The following ABCA13 variants were observed in gnomAD, a reference collection of about 807,000 sequenced individuals.
ABCA13 encodes ATP binding cassette subfamily A member 13.
ABCA13 carries 476 observed loss-of-function variants against 478.7 expected under a neutral mutation model. That is an observed-to-expected ratio of 0.99 (90% CI 0.92 to 1.07). ABCA13 has a LOEUF of 1.07. Among genes scored for constraint, ABCA13 ranks in the 50% least tolerant of loss-of-function variants. ABCA13 has a pLI of 0.00. For synonymous variants in ABCA13, 2,252 were observed against 2,158.9 expected (o/e 1.04, Z -1.20); for missense variants, 6,060 against 5,910.6 (o/e 1.03, Z -0.83).
At chr7:48,185,518 A>G (rs1263826117) in intron 1 of ABCA13, among the ~76,000 whole-genome samples, 2 of 152,196 alleles carry the variant, frequency 1.3e-5, no homozygotes, top group South Asian at 2.1e-4. Context: ...CTACAGATCA[A>G]TCTGGGTAGG....
rs143294699 is a variant in ABCA13 at position 48,298,366 on chromosome 7, A to G, written c.9200A>G (p.Asp3067Gly). The G allele has an allele frequency of 4.1e-4, 655 of 1,604,830 alleles. 10 individuals carry two copies. In the East Asian group the frequency reaches 0.014, roughly 35 times the overall value. ...TFLSNFTVTE[D>G]VKIKDLMKNI... ...ATTTCTTATTTTCCTTACTTTGCAG[A>G]TGTAAAAATAAAAGATTTGATGAAG... The change falls in exon 23 of 62, where the codon GAT (aspartate) becomes GGT (glycine). Residue 3067 changes from aspartate (D) to glycine (G), a missense_variant and splice_region_variant. Asp to Gly is a moderately conservative substitution (Grantham distance 94). Around this residue, in one of 3 missense-constraint regions of ABCA13, gnomAD observed 4,423 missense variants for 4,309.1 expected, o/e 1.03. Transcript: ENST00000435803.
intron 20 of ABCA13, 118 bp downstream of exon 20, chr7:48,288,196 A>G: frequency 1.1e-6 from 1 of 934,688 alleles, no homozygotes; most frequent in South Asian, 1.5e-5. Flanking sequence ...GGTGTCATAC[A>G]CAGTCTTGTT....
chr7:48,637,192 C>T (rs1212949807), intron 59 of ABCA13, among the ~76,000 whole-genome samples: 1 of 151,614 alleles, frequency 6.6e-6, no homozygotes, highest in Non-Finnish European at 1.5e-5. Flanking sequence ...ACAAAGCTGC[C>T]ATCTTTGCAC....
chr7:48,240,486 A>G (rs1291019471), intron 9 of ABCA13, among the ~76,000 whole-genome samples: 2 of 152,250 alleles, frequency 1.3e-5, no homozygotes, highest in African/African-American at 4.8e-5. Flanking sequence ...GACACTTAGT[A>G]ACCATGTATT....
At chr7:48,437,119 T>G (rs1018506450) in intron 42 of ABCA13, among the ~76,000 whole-genome samples, 1 of 152,030 alleles carries the variant, frequency 6.6e-6, no homozygotes, top group Non-Finnish European at 1.5e-5. Context: ...AGTGAGGTAT[T>G]GAGGTTTCCT....
chr7:48,257,561 A>G (rs555579661), intron 15 of ABCA13, among the ~76,000 whole-genome samples: 1 of 152,222 alleles, frequency 6.6e-6, no homozygotes, highest in East Asian at 1.9e-4. Flanking sequence ...TGAGATGATC[A>G]TGTGGTTTTT....
At chr7:48,581,692 T>C (rs1788726154) in intron 56 of ABCA13, among the ~76,000 whole-genome samples, 1 of 152,266 alleles carries the variant, frequency 6.6e-6, no homozygotes, top group South Asian at 2.1e-4. Flanking sequence ...CTTACAACTT[T>C]GTTTTTCTGA....
At chr7:48,558,330 C>G (rs1010743068) in intron 55 of ABCA13, among the ~76,000 whole-genome samples, 1 of 151,310 alleles carries the variant, frequency 6.6e-6, no homozygotes, top group Non-Finnish European at 1.5e-5. Flanking sequence ...ACTGCCTCAC[C>G]CTGTCACCCA....
chr7:48,174,665 A>T (rs145634990), intron 1 of ABCA13, among the ~76,000 whole-genome samples: 29,779 of 152,102 alleles, frequency 0.2, 3,132 homozygotes, highest in Non-Finnish European at 0.23. Flanking sequence ...AAAACAAAAG[A>T]TAAACATTTT....
intron 7 of ABCA13, among the ~76,000 whole-genome samples, chr7:48,230,552 C>G: frequency 6.6e-6 from 1 of 152,166 alleles, no homozygotes; most frequent in Non-Finnish European, 1.5e-5. Context: ...AGTGAGAGAA[C>G]AACAAAGTTG....
chr7:48,629,075 A>G (rs1248837785), intron 59 of ABCA13, among the ~76,000 whole-genome samples: 1 of 152,216 alleles, frequency 6.6e-6, no homozygotes, highest in Non-Finnish European at 1.5e-5. Flanking sequence ...CTGCTTTTCG[A>G]AACTGGACTC....
intron 15 of ABCA13, among the ~76,000 whole-genome samples, chr7:48,263,646 G>A (rs567753909): frequency 1.3e-5 from 2 of 151,028 alleles, no homozygotes; most frequent in South Asian, 2.1e-4. Flanking sequence ...CTTCCTCACC[G>A]AAATGAGTGT....
At chr7:48,534,374 T>G (rs1585727941) in intron 55 of ABCA13, among the ~76,000 whole-genome samples, 1 of 152,322 alleles carries the variant, frequency 6.6e-6, no homozygotes, top group African/African-American at 2.4e-5. Flanking sequence ...CTTTATAGGT[T>G]ACCTGATGCT....
chr7:48,282,510 G>T (rs78077760), intron 19 of ABCA13, among the ~76,000 whole-genome samples: 1 of 152,046 alleles, frequency 6.6e-6, no homozygotes, highest in African/African-American at 2.4e-5. Flanking sequence ...AAATGGGGAA[G>T]CCAAGGGTGG....
chr7:48,437,646 G>C (rs760591761), intron 42 of ABCA13, among the ~76,000 whole-genome samples: 4 of 151,860 alleles, frequency 2.6e-5, no homozygotes, highest in Admixed American at 6.6e-5. Context: ...CCTTTTAATG[G>C]GTAAGATTTC....
At chr7:48,186,987 C>G (rs1562726914) in intron 1 of ABCA13, among the ~76,000 whole-genome samples, 1 of 146,524 alleles carries the variant, frequency 6.8e-6, no homozygotes, top group East Asian at 2.0e-4. Flanking sequence ...ATGTATATAT[C>G]TGTGTGTATA....
intron 58 of ABCA13, among the ~76,000 whole-genome samples, chr7:48,602,053 C>A (rs1238219922): frequency 6.6e-6 from 1 of 152,132 alleles, no homozygotes; most frequent in East Asian, 1.9e-4. Context: ...ATCCTTTGCC[C>A]ACTTTTTGAT....
At chr7:48,352,916 C>T (rs1043729326) in intron 31 of ABCA13, among the ~76,000 whole-genome samples, 6 of 151,966 alleles carry the variant, frequency 3.9e-5, no homozygotes, top group African/African-American at 1.2e-4. Context: ...AGGCCTTGAC[C>T]ATGGCTTGGG....
chr7:48,563,515 G>A (rs1212753357), intron 55 of ABCA13, among the ~76,000 whole-genome samples: 4 of 152,126 alleles, frequency 2.6e-5, no homozygotes, highest in Non-Finnish European at 4.4e-5. Context: ...GGCTAGAAAT[G>A]CCAATACATG....
Sources: gnomAD v4.1 joint callset for allele counts (sites outside exome capture counted in the v4.1 genomes callset) on GRCh38, gnomAD v4.1.1 for gene constraint, gnomAD v4.1.1 regional missense constraint, MANE v1.5 for transcripts, NCBI Gene and HGNC (gene_info 2026-07-23, HGNC 2026-07-21) for gene names.